RARB: variants seen among roughly 807,000 people sequenced by gnomAD.
RARB encodes retinoic acid receptor beta.
RARB carries 17 observed loss-of-function variants against 51.9 expected under a neutral mutation model. The observed-to-expected ratio is 0.33, with a 90% CI of 0.22 to 0.49. RARB has a LOEUF of 0.49. Among genes scored for constraint, RARB ranks in the 20% least tolerant of loss-of-function variants. The pLI is 0.99. For missense variants in RARB, 369 were observed against 550.8 expected (o/e 0.67, Z 3.30); for synonymous variants, 215 against 195.4 (o/e 1.10, Z -0.84).
At chr3:25,585,658 A>G (rs1049303625) in intron 5 of RARB, among the ~76,000 whole-genome samples, 3 of 152,222 alleles carry the variant, frequency 2.0e-5, no homozygotes, top group Admixed American at 2.0e-4. Context: ...CAGGCCACTC[A>G]GCAGAAGCAG....
intron 5 of RARB, among the ~76,000 whole-genome samples, chr3:25,385,044 G>A (rs535765256): frequency 3.7e-4 from 57 of 152,160 alleles, no homozygotes; most frequent in South Asian, 8.3e-4. Context: ...CCCCATGGCC[G>A]TAGTAGATAC....
intron 3 of RARB, among the ~76,000 whole-genome samples, chr3:25,554,449 G>T (rs115868898): frequency 2.0e-5 from 3 of 151,976 alleles, no homozygotes; most frequent in Admixed American, 6.6e-5. Context: ...AGCCCTGTGC[G>T]TTTGTTGACG....
chr3:25,036,128 T>C (rs1041291434), intron 2 of RARB, among the ~76,000 whole-genome samples: 1 of 152,162 alleles, frequency 6.6e-6, no homozygotes, highest in Non-Finnish European at 1.5e-5. Context: ...ATTTCTGGCT[T>C]TTTATGTTTT....
chr3:25,205,905 A>G (rs956713499), intron 5 of RARB, among the ~76,000 whole-genome samples: 35 of 152,200 alleles, frequency 2.3e-4, no homozygotes, highest in African/African-American at 8.2e-4. Context: ...CATCATGCCC[A>G]GCTAATTTTT....
chr3:24,954,763 GATAAGA>G (rs1045009416), intron 2 of RARB, among the ~76,000 whole-genome samples: 66 of 152,262 alleles, frequency 4.3e-4, no homozygotes, highest in African/African-American at 1.5e-3. Context: ...GCAGTTCTAA[GATAAGA>G]ATAAGATGGA....
intron 1 of RARB, among the ~76,000 whole-genome samples, chr3:25,442,071 T>C (rs1305282067): frequency 6.6e-6 from 1 of 152,156 alleles, no homozygotes; most frequent in Non-Finnish European, 1.5e-5. Context: ...GAATTTGAAA[T>C]GCGGTTAATA....
intron 5 of RARB, among the ~76,000 whole-genome samples, chr3:25,288,432 A>G (rs1028798584): frequency 1.3e-4 from 20 of 152,198 alleles, no homozygotes; most frequent in African/African-American, 4.8e-4. Context: ...AGCAAAGGGG[A>G]CACAGTCAAT....
At chr3:25,118,278 C>T (rs1699724274) in intron 3 of RARB, among the ~76,000 whole-genome samples, 1 of 152,032 alleles carries the variant, frequency 6.6e-6, no homozygotes, top group South Asian at 2.1e-4. Context: ...AATGGAAAAT[C>T]AATGTTGTGG....
At chr3:24,848,923 C>T (rs918115092) in intron 1 of RARB, among the ~76,000 whole-genome samples, 4 of 152,144 alleles carry the variant, frequency 2.6e-5, no homozygotes, top group Non-Finnish European at 5.9e-5. Flanking sequence ...TTATGGATTC[C>T]TCCTTACTAC....
At chr3:24,974,275 G>C (rs530134791) in intron 2 of RARB, among the ~76,000 whole-genome samples, 7 of 152,048 alleles carry the variant, frequency 4.6e-5, no homozygotes, top group African/African-American at 1.7e-4. Context: ...TGCATCCCTG[G>C]GATGAATTCC....
intron 2 of RARB, among the ~76,000 whole-genome samples, chr3:25,002,210 T>C (rs1419659999): frequency 6.6e-6 from 1 of 152,216 alleles, no homozygotes; most frequent in Non-Finnish European, 1.5e-5. Flanking sequence ...TGTAACAGCA[T>C]GTGGTAAGGT....
chr3:25,217,696 A>G (rs1173374236), intron 5 of RARB, among the ~76,000 whole-genome samples: 2 of 152,300 alleles, frequency 1.3e-5, no homozygotes, highest in Non-Finnish European at 2.9e-5. Flanking sequence ...TGAAAGTAGT[A>G]ATAACTTTTG....
At chr3:25,539,990 C>T (rs547259744) in intron 3 of RARB, among the ~76,000 whole-genome samples, 1 of 152,276 alleles carries the variant, frequency 6.6e-6, no homozygotes, top group East Asian at 1.9e-4. Context: ...TTCTCGTACA[C>T]ACAGGTTCTG....
intron 5 of RARB, chr3:25,174,605 C>G (rs777285864): frequency 3.6e-5 from 49 of 1,350,346 alleles, no homozygotes; most frequent in Non-Finnish European, 4.8e-5. Flanking sequence ...GCTCTCTTTT[C>G]TCTGGGTTGA....
chr3:25,047,699 CAGAG>C (rs1418085445), intron 2 of RARB, among the ~76,000 whole-genome samples: 2 of 152,180 alleles, frequency 1.3e-5, no homozygotes, highest in African/African-American at 4.8e-5. Context: ...AATAAGTAAA[CAGAG>C]AGGCTCAACA....
At chr3:25,433,693 G>A (rs547020728) in intron 1 of RARB, among the ~76,000 whole-genome samples, 1 of 152,222 alleles carries the variant, frequency 6.6e-6, no homozygotes, top group African/African-American at 2.4e-5. Context: ...AGTACCTCTT[G>A]TTAAATAGGA....
intron 3 of RARB, among the ~76,000 whole-genome samples, chr3:25,065,593 C>T (rs897443456): frequency 7.2e-5 from 11 of 152,302 alleles, no homozygotes; most frequent in South Asian, 2.1e-4. Context: ...GATACAGATA[C>T]GATTGTTCTA....
intron 2 of RARB, among the ~76,000 whole-genome samples, chr3:24,933,905 A>C (rs1157879386): frequency 1.3e-5 from 2 of 152,156 alleles, no homozygotes; most frequent in Non-Finnish European, 2.9e-5. Flanking sequence ...ATAGAGATGC[A>C]TTTGTATTTC....
chr3:24,973,019 G>A (rs1696434887), intron 2 of RARB, among the ~76,000 whole-genome samples: 1 of 151,954 alleles, frequency 6.6e-6, no homozygotes, highest in Non-Finnish European at 1.5e-5. Context: ...TGTTGCCTGT[G>A]CTTTTAAGGT....
Sources: allele counts gnomAD v4.1 joint callset (sites outside exome capture counted in the v4.1 genomes callset), GRCh38; gene constraint gnomAD v4.1.1; transcripts MANE v1.5; gene names NCBI Gene and HGNC (gene_info 2026-07-23, HGNC 2026-07-21).